OPCML: variants seen among roughly 807,000 people sequenced by gnomAD.
The protein encoded by OPCML is opioid-binding protein/cell adhesion molecule.
A neutral mutation model predicts 37.8 loss-of-function variants in OPCML; 13 were observed. The ratio of observed to expected loss-of-function variants is 0.34; its 90% CI spans 0.22 to 0.55. OPCML has a LOEUF of 0.55. Ranked by LOEUF, OPCML falls within the 20% of genes least tolerant of loss-of-function variation. OPCML has a pLI of 0.91. For missense variants in OPCML, 341 were observed against 435.6 expected, an observed-to-expected ratio of 0.78 and a Z score of 1.93; for synonymous variants, 176 against 168.8, an observed-to-expected ratio of 1.04 and a Z score of -0.33.
chr11:133,260,057 C>T (rs777606801), intron 1 of OPCML, among the ~76,000 whole-genome samples: 23 of 151,206 alleles, frequency 1.5e-4, no homozygotes, highest in African/African-American at 2.2e-4. Context: ...ATTAGGGATA[C>T]GATTTTATGT....
At chr11:133,009,126 A>G (rs913877735) in intron 1 of OPCML, 1 of 985,274 alleles carries the variant, frequency 1.0e-6, no homozygotes, top group African/African-American at 1.7e-5. Context: ...TATTTAACAG[A>G]GAACACTGAT....
intron 2 of OPCML, among the ~76,000 whole-genome samples, chr11:132,906,963 C>T (rs1436757797): frequency 3.9e-5 from 6 of 152,156 alleles, no homozygotes; most frequent in East Asian, 3.9e-4. Flanking sequence ...ACAAAAATAT[C>T]GACAGCTCTC....
intron 1 of OPCML, among the ~76,000 whole-genome samples, chr11:133,412,043 G>A (rs1166626533): frequency 6.6e-6 from 1 of 152,142 alleles, no homozygotes; most frequent in Non-Finnish European, 1.5e-5. Context: ...GTTCCAAGAG[G>A]AAACACGTGG....
In OPCML at chr11:133,188,602, C is replaced by A. The variant is rs377170587; in HGVS notation, c.62-245592G>T. On this transcript the variant is annotated intron_variant, in intron 1 of 7. Coordinates refer to ENST00000524381, the MANE Select transcript of OPCML (RefSeq NM_001012393.5). ...AAGTCACAGATGCAGGAGAAAAAAC[C>A]CACAAAATTATTGTTTTAAAATGTG... Among the ~76,000 whole-genome samples the A allele has an allele frequency of 9.9e-5, 15 of 152,130 alleles. No homozygotes were observed. The South Asian group carries it at 3.1e-3, about 32-fold the overall frequency.
At chr11:133,020,748 A>C (rs1947435264) in intron 1 of OPCML, among the ~76,000 whole-genome samples, 1 of 152,218 alleles carries the variant, frequency 6.6e-6, no homozygotes, top group Non-Finnish European at 1.5e-5. Flanking sequence ...GATAAGACCA[A>C]TTTCATGTTC....
rs116915433 is a variant in OPCML at position 132,603,198 on chromosome 11, T to C, written c.379+53889A>G. Among the ~76,000 whole-genome samples the C allele has an allele frequency of 1.0e-2, 1,521 of 152,306 alleles. 11 individuals are homozygous for C. Among genetic ancestry groups the C allele is most frequent in the Non-Finnish European group, 0.015 (1,020 of 68,034 alleles). ...AGCCTAGACTCTCCCAGATTTGCAT[T>C]TGTATATTCACATGTCTGCCAGTGA... On this transcript the variant is annotated intron_variant, in intron 3 of 7. Coordinates refer to ENST00000524381, the MANE Select transcript of OPCML (RefSeq NM_001012393.5).
At chr11:133,498,268 C>A (rs147530609) in intron 1 of OPCML, among the ~76,000 whole-genome samples, 1 of 152,208 alleles carries the variant, frequency 6.6e-6, no homozygotes, top group African/African-American at 2.4e-5. Flanking sequence ...TGCTTTACTC[C>A]CTTCCAAAGC....
chr11:133,452,242 A>G (rs1409478715), intron 1 of OPCML, among the ~76,000 whole-genome samples: 2 of 151,716 alleles, frequency 1.3e-5, no homozygotes, highest in African/African-American at 4.9e-5. Flanking sequence ...TCAAGAATAG[A>G]AAGGGAAATA....
intron 2 of OPCML, among the ~76,000 whole-genome samples, chr11:132,839,120 T>C (rs920757864): frequency 6.6e-6 from 1 of 152,152 alleles, no homozygotes. Context: ...AGAGGAGACA[T>C]CCACTTGTAT....
At chr11:132,716,974 C>A (rs1397742045) in intron 2 of OPCML, among the ~76,000 whole-genome samples, 1 of 151,910 alleles carries the variant, frequency 6.6e-6, no homozygotes, top group African/African-American at 2.4e-5. Context: ...AGTCAGTAAG[C>A]CTGTCTAAAA....
At chr11:132,900,524 C>G (rs111953638) in intron 2 of OPCML, among the ~76,000 whole-genome samples, 3,341 of 152,226 alleles carry the variant, frequency 0.022, 117 homozygotes, top group African/African-American at 0.074. Context: ...AACAAACAAA[C>G]AAAACATTTT....
chr11:132,639,181 C>G (rs889246941), intron 3 of OPCML, among the ~76,000 whole-genome samples: 2 of 152,166 alleles, frequency 1.3e-5, no homozygotes, highest in African/African-American at 4.8e-5. Flanking sequence ...GCTTTTAACA[C>G]GTGAGGAAAG....
At chr11:133,378,972 G>A (rs1425746312) in intron 1 of OPCML, among the ~76,000 whole-genome samples, 1 of 151,840 alleles carries the variant, frequency 6.6e-6, no homozygotes, top group African/African-American at 2.4e-5. Context: ...GCCCAGGCTG[G>A]TCCCAAACTC....
chr11:133,242,488 T>C (rs1940768049), intron 1 of OPCML, among the ~76,000 whole-genome samples: 1 of 152,234 alleles, frequency 6.6e-6, no homozygotes, highest in African/African-American at 2.4e-5. Context: ...CAGGTTCTCC[T>C]GAGGCTGCTC....
At chr11:132,498,708 T>C (rs535345354) in intron 4 of OPCML, among the ~76,000 whole-genome samples, 4 of 143,562 alleles carry the variant, frequency 2.8e-5, no homozygotes, top group Non-Finnish European at 5.9e-5. Context: ...CTTAGGCATA[T>C]AGGATCCGAA....
intron 1 of OPCML, among the ~76,000 whole-genome samples, chr11:132,991,358 C>A (rs565051171): frequency 1.3e-5 from 2 of 152,064 alleles, no homozygotes; most frequent in African/African-American, 4.8e-5. Context: ...ATATACAAGC[C>A]CCTAATAGAA....
At chr11:133,495,836 C>T (rs191955280) in intron 1 of OPCML, among the ~76,000 whole-genome samples, 1 of 152,112 alleles carries the variant, frequency 6.6e-6, no homozygotes, top group African/African-American at 2.4e-5. Flanking sequence ...AAGATTTTCT[C>T]CCCCTCTGTG....
intron 4 of OPCML, among the ~76,000 whole-genome samples, chr11:132,493,596 T>C (rs2096222687): frequency 6.6e-6 from 1 of 152,158 alleles, no homozygotes; most frequent in African/African-American, 2.4e-5. Flanking sequence ...TCCCCTCTCC[T>C]TCCTGGACTC....
chr11:133,272,084 C>A (rs1941854433), intron 1 of OPCML, among the ~76,000 whole-genome samples: 1 of 152,100 alleles, frequency 6.6e-6, no homozygotes. Context: ...GAAAGGAGTG[C>A]TTCAGATGCA....
Sources: gnomAD v4.1 joint callset for allele counts (sites outside exome capture counted in the v4.1 genomes callset) on GRCh38, gnomAD v4.1.1 for gene constraint, MANE v1.5 for transcripts, NCBI Gene and HGNC (gene_info 2026-07-23, HGNC 2026-07-21) for gene names.